DMD: variants seen among roughly 807,000 people sequenced by gnomAD.
The protein encoded by DMD is mutant dystrophin.
In DMD, 63 loss-of-function variants were observed where a neutral mutation model predicts 330.1. The observed-to-expected ratio is 0.19, with a 90% confidence interval of 0.16 to 0.24. DMD has a LOEUF of 0.24. DMD is among the 10% of genes least tolerant of loss of function. The probability of loss-of-function intolerance (pLI) is 1.00; values close to 1 mark genes in which losing one functional copy is unlikely to be tolerated. For missense variants in DMD, 3,344 were observed against 2,684.1 expected, an observed-to-expected ratio of 1.25 and a Z score of -5.43; for synonymous variants, 1,223 against 959.8, an observed-to-expected ratio of 1.27 and a Z score of -5.07.
At chrX:32,108,951 A>G (rs1406206615) in intron 44 of DMD, among the ~76,000 whole-genome samples, 1 of 111,843 alleles carries the variant, frequency 8.9e-6, no homozygotes, top group Non-Finnish European at 1.9e-5. Context: ...TAACAGGAAA[A>G]AAGACTATTA....
At chrX:32,527,094 A>G (rs1008485530) in intron 17 of DMD, among the ~76,000 whole-genome samples, 1 of 111,644 alleles carries the variant, frequency 9.0e-6, no homozygotes, top group Non-Finnish European at 1.9e-5. Flanking sequence ...ATAAAAACTT[A>G]TAAGCCTCAT....
intron 52 of DMD, among the ~76,000 whole-genome samples, chrX:31,719,709 G>T (rs1184205099): frequency 9.1e-6 from 1 of 109,910 alleles, no homozygotes; most frequent in East Asian, 2.8e-4. Flanking sequence ...AGCAACATGG[G>T]ATCATGTTTC....
intron 1 of DMD, among the ~76,000 whole-genome samples, chrX:33,097,459 C>A (rs2094147): frequency 9.1e-6 from 1 of 109,508 alleles, no homozygotes; most frequent in African/African-American, 3.3e-5. Context: ...TTTGTTGATA[C>A]AGATGTTACT....
At chrX:32,815,480 TAC>T (rs1292327781) in intron 6 of DMD, among the ~76,000 whole-genome samples, 1 of 77,470 alleles carries the variant, frequency 1.3e-5, no homozygotes, top group African/African-American at 4.9e-5. Context: ...CTCTCTCAAA[TAC>T]ACACACACAA....
At chrX:32,079,347 C>A (rs1870582441) in intron 44 of DMD, among the ~76,000 whole-genome samples, 1 of 111,709 alleles carries the variant, frequency 9.0e-6, no homozygotes, top group African/African-American at 3.3e-5. Flanking sequence ...TAAATCCCAG[C>A]ACTTTGGGAG....
intron 44 of DMD, among the ~76,000 whole-genome samples, chrX:32,189,885 T>C (rs73219245): frequency 0.12 from 13,509 of 109,931 alleles, 648 homozygotes; most frequent in Admixed American, 0.19. Context: ...TTTTGTTACA[T>C]TTTTTTTATT....
rs749665028 is a variant in DMD at position 33,128,122 on chromosome X, G to T, written c.31+83160C>A. 2.5e-6 allele frequency: 3 copies of T among 1,204,732 alleles called. No homozygotes were observed. In the East Asian group the frequency reaches 8.9e-5, roughly 36 times the overall value. On this transcript the variant is annotated intron_variant, in intron 1 of 78. Transcript: ENST00000357033. ...TTTATCATTCTTCTGAATGGCTGTT[G>T]CATTTATCTGCAGCTTTTACTCACC...
chrX:32,888,405 G>A (rs779508955), intron 2 of DMD, among the ~76,000 whole-genome samples: 1 of 110,872 alleles, frequency 9.0e-6, no homozygotes, highest in Non-Finnish European at 1.9e-5. Context: ...ATGGACAACA[G>A]GTATATGACA....
At chrX:31,833,894 A>G (rs753889289) in intron 49 of DMD, among the ~76,000 whole-genome samples, 5 of 111,491 alleles carry the variant, frequency 4.5e-5, no homozygotes, top group Non-Finnish European at 9.4e-5. Context: ...ATACATCGTG[A>G]GAGATTTTCA....
chrX:32,273,825 C>A (rs1284109474), intron 43 of DMD, among the ~76,000 whole-genome samples: 1 of 111,899 alleles, frequency 8.9e-6, no homozygotes, highest in Non-Finnish European at 1.9e-5. Context: ...AACATATCTG[C>A]CTTGGCTGCA....
At chrX:31,823,988 C>T (rs1024119326) in intron 49 of DMD, among the ~76,000 whole-genome samples, 1 of 112,148 alleles carries the variant, frequency 8.9e-6, no homozygotes, top group African/African-American at 3.2e-5. Context: ...GAAGAATAAG[C>T]CTTGTCTAAA....
At chrX:31,601,363 C>A (rs2077360245) in intron 55 of DMD, among the ~76,000 whole-genome samples, 1 of 112,086 alleles carries the variant, frequency 8.9e-6, no homozygotes, top group South Asian at 3.7e-4. Flanking sequence ...ACAGTGTTAT[C>A]AGACTTATCC....
intron 67 of DMD, among the ~76,000 whole-genome samples, chrX:31,198,023 TAAAAAAAA>T (rs61065027): frequency 6.2e-5 from 4 of 64,889 alleles, no homozygotes; most frequent in Non-Finnish European, 5.7e-5. Context: ...GTGTGGGAGC[TAAAAAAAA>T]AAAAAAAAAA....
chrX:32,776,840 T>G (rs1416135616), intron 7 of DMD, among the ~76,000 whole-genome samples: 3 of 111,905 alleles, frequency 2.7e-5, no homozygotes. Context: ...ACCACTGATG[T>G]TCTCAAATGC....
intron 44 of DMD, among the ~76,000 whole-genome samples, chrX:31,968,732 T>A (rs921186481): frequency 9.0e-6 from 1 of 111,681 alleles, no homozygotes; most frequent in African/African-American, 3.2e-5. Context: ...ACCCTCTCGG[T>A]TAGCTCCAGT....
rs759433279 is a variant in DMD, at chrX:32,112,788, C to A, written c.6438+104128G>T. Reference sequence around the variant, plus strand: ...GCTTCATATTTATGGTCTGTCTCAGCTTTCCTCACCTGGCCAATTTTAACA... The same window carrying A: ...GCTTCATATTTATGGTCTGTCTCAGATTTCCTCACCTGGCCAATTTTAACA... On this transcript the variant is annotated intron_variant, in intron 44 of 78. Transcript: ENST00000357033. 7.6e-4 allele frequency among the ~76,000 whole-genome samples: 85 copies of A among 111,524 alleles called. No individual in the cohort carries two copies. In the South Asian group the frequency reaches 0.032, roughly 42 times the overall value.
chrX:31,311,726 A>C (rs10127105), intron 62 of DMD, among the ~76,000 whole-genome samples: 23,830 of 110,699 alleles, frequency 0.22, 1,914 homozygotes, highest in East Asian at 0.36. Context: ...TTGAATCTAT[A>C]AATTACTTTG....
At chrX:32,761,782 A>AT (rs1491279540) in intron 7 of DMD, among the ~76,000 whole-genome samples, 1 of 101,135 alleles carries the variant, frequency 9.9e-6, no homozygotes, top group Non-Finnish European at 2.1e-5. Context: ...CAAACAAAAC[A>AT]TATCTCTGGG....
intron 12 of DMD, among the ~76,000 whole-genome samples, chrX:32,609,169 T>C (rs976836117): frequency 9.0e-6 from 1 of 111,034 alleles, no homozygotes; most frequent in Non-Finnish European, 1.9e-5. Context: ...TTTGTACCTG[T>C]TTACAATTTT....
Sources: gnomAD v4.1 joint callset for allele counts (sites outside exome capture counted in the v4.1 genomes callset) on GRCh38, gnomAD v4.1.1 for gene constraint, MANE v1.5 for transcripts, NCBI Gene and HGNC (gene_info 2026-07-23, HGNC 2026-07-21) for gene names.